Variants in DLGAP2 observed in about 807,000 individuals in gnomAD.
DLGAP2 encodes DLG associated protein 2.
DLGAP2 carries 26 observed loss-of-function variants against 100.3 expected under a neutral mutation model. The observed-to-expected ratio is 0.26, with a 90% CI of 0.19 to 0.36. DLGAP2 has a LOEUF of 0.36. Among genes scored for constraint, DLGAP2 ranks in the 10% least tolerant of loss-of-function variants. The pLI is 1.00. For missense variants in DLGAP2, 1,858 were observed against 1,453.2 expected (o/e 1.28, Z -4.53); for synonymous variants, 886 against 630.1 (o/e 1.41, Z -6.08).
chr8:820,101 T>C (rs2132684406), intron 1 of DLGAP2, among the ~76,000 whole-genome samples: 1 of 152,338 alleles, frequency 6.6e-6, no homozygotes, highest in African/African-American at 2.4e-5. Context: ...GTGGGTAACA[T>C]TTTCAAGTTA....
At chr8:1,091,971 C>T (rs1443926598) in intron 2 of DLGAP2, among the ~76,000 whole-genome samples, 1 of 152,134 alleles carries the variant, frequency 6.6e-6, no homozygotes, top group Non-Finnish European at 1.5e-5. Flanking sequence ...CCACTTCTGC[C>T]CCACGTTTTA....
At chr8:1,153,285 A>G (rs2129051746) in intron 2 of DLGAP2, among the ~76,000 whole-genome samples, 1 of 152,302 alleles carries the variant, frequency 6.6e-6, no homozygotes. Context: ...CTTCGGAAGG[A>G]AAAAAATCAG....
At chr8:977,419 T>C (rs1482849514) in intron 2 of DLGAP2, among the ~76,000 whole-genome samples, 1 of 152,238 alleles carries the variant, frequency 6.6e-6, no homozygotes, top group East Asian at 1.9e-4. Flanking sequence ...CACATGGCAA[T>C]GTGAGGTCAA....
At chr8:1,358,903 T>G (rs1342815223) in intron 3 of DLGAP2, among the ~76,000 whole-genome samples, 1 of 150,690 alleles carries the variant, frequency 6.6e-6, no homozygotes, top group African/African-American at 2.4e-5. Flanking sequence ...GACTCGGGAA[T>G]TCTCGGTGCA....
intron 3 of DLGAP2, among the ~76,000 whole-genome samples, chr8:1,354,337 C>G (rs1801800406): frequency 6.6e-6 from 1 of 152,118 alleles, no homozygotes; most frequent in Non-Finnish European, 1.5e-5. Flanking sequence ...AAAACCCCAT[C>G]TCTTCTAAAA....
chr8:1,277,057 A>G (rs1326151527), intron 3 of DLGAP2, among the ~76,000 whole-genome samples: 1 of 152,178 alleles, frequency 6.6e-6, no homozygotes, highest in Non-Finnish European at 1.5e-5. Flanking sequence ...GCTGTTTCTA[A>G]TCATTTTTCT....
chr8:821,711 A>G (rs1004702548), intron 1 of DLGAP2, among the ~76,000 whole-genome samples: 1 of 152,212 alleles, frequency 6.6e-6, no homozygotes, highest in Non-Finnish European at 1.5e-5. Flanking sequence ...GCTATTTTTC[A>G]TCAAATTATA....
intron 2 of DLGAP2, among the ~76,000 whole-genome samples, chr8:1,010,446 A>G (rs959601546): frequency 6.6e-6 from 1 of 152,228 alleles, no homozygotes; most frequent in Non-Finnish European, 1.5e-5. Flanking sequence ...ACACATACTC[A>G]TATTCTCACA....
Position 1,178,165 on chromosome 8 carries a change from C to T in DLGAP2, c.74-80686C>T, listed in dbSNP as rs73534806. 3.5e-4 allele frequency among the ~76,000 whole-genome samples: 54 copies of T among 152,294 alleles called. 1 individual carries two copies. In the East Asian group the frequency reaches 6.7e-3, roughly 19 times the overall value. The stretch of plus-strand genomic sequence containing the variant: ...GGACCCCCGGAGGACTGCCTGAAGG[C>T]AGGGAAATGTTAAATTCAGGAAGAT... On this transcript the variant is annotated intron_variant, in intron 2 of 14. Coordinates refer to ENST00000637795, the MANE Select transcript of DLGAP2 (RefSeq NM_001346810.2).
In DLGAP2 at chr8:1,669,793, C is replaced by T. The variant is rs754192203; in HGVS notation, c.2202+9C>T. On this transcript the variant is annotated intron_variant, in intron 10 of 14. Coordinates refer to ENST00000637795, the MANE Select transcript of DLGAP2 (RefSeq NM_001346810.2). ...CATACCCAAGGTCAGATGTAAGTAC[C>T]GAAATGTGCTCCAAAGCCGCGTCCG... is the stretch of plus-strand genomic sequence containing the variant. The T allele has an allele frequency of 2.6e-5, 20 of 780,778 alleles. No individual in the cohort carries two copies. The highest frequency in any genetic ancestry group is 5.1e-5 in the African/African-American group (3 of 59,148). The allele number at this position is 780,778 out of a possible 1,614,324, so 48.4% of individuals were successfully genotyped here. A position where few individuals can be genotyped will look rare whatever the true frequency, so the allele number is the denominator to read the frequency against.
intron 8 of DLGAP2, among the ~76,000 whole-genome samples, chr8:1,662,566 C>G (rs895754605): frequency 7.2e-5 from 11 of 152,242 alleles, no homozygotes; most frequent in African/African-American, 2.4e-4. Flanking sequence ...CTCATTATAA[C>G]CAACAACTGG....
intron 2 of DLGAP2, among the ~76,000 whole-genome samples, chr8:1,063,048 C>T (rs770884879): frequency 3.3e-5 from 5 of 152,124 alleles, no homozygotes; most frequent in Non-Finnish European, 5.9e-5. Context: ...TCTATGCAAG[C>T]AATGGAGTGA....
intron 6 of DLGAP2, among the ~76,000 whole-genome samples, chr8:1,582,141 C>CCA (rs57709718): frequency 7.7e-6 from 1 of 130,554 alleles, no homozygotes. Context: ...AGATAAAACC[C>CCA]CACACATGTA....
intron 1 of DLGAP2, among the ~76,000 whole-genome samples, chr8:769,616 A>G (rs1054126417): frequency 3.3e-5 from 5 of 152,180 alleles, no homozygotes; most frequent in African/African-American, 1.2e-4. Context: ...AGTTACAGAC[A>G]TCTGTGGTGA....
chr8:1,009,442 G>T (rs1801213454), intron 2 of DLGAP2, among the ~76,000 whole-genome samples: 1 of 152,206 alleles, frequency 6.6e-6, no homozygotes, highest in Admixed American at 6.5e-5. Flanking sequence ...GTTATTCAGA[G>T]TTAATACCCT....
chr8:1,496,126 A>G (rs7015086), intron 3 of DLGAP2, among the ~76,000 whole-genome samples: 115,084 of 152,134 alleles, frequency 0.76, 43,907 homozygotes, highest in African/African-American at 0.84. Context: ...GTCTACCCTA[A>G]GGCTATATGG....
At chr8:1,458,523 T>C (rs536608968) in intron 3 of DLGAP2, among the ~76,000 whole-genome samples, 1 of 152,356 alleles carries the variant, frequency 6.6e-6, no homozygotes, top group South Asian at 2.1e-4. Context: ...CATTGTTACC[T>C]GGCATCATGA....
At chr8:1,690,280 C>T (rs1166459967) in intron 12 of DLGAP2, among the ~76,000 whole-genome samples, 1 of 150,102 alleles carries the variant, frequency 6.7e-6, no homozygotes, top group East Asian at 2.0e-4. Context: ...CACTTGAATT[C>T]AGGAGGTGGA....
intron 3 of DLGAP2, among the ~76,000 whole-genome samples, chr8:1,276,401 C>G (rs528042963): frequency 1.3e-5 from 2 of 151,972 alleles, no homozygotes; most frequent in Admixed American, 6.6e-5. Flanking sequence ...GGATCTTGGC[C>G]GCACGTTGGG....
Sources: gnomAD v4.1 joint callset for allele counts (sites outside exome capture counted in the v4.1 genomes callset) on GRCh38, gnomAD v4.1.1 for gene constraint, MANE v1.5 for transcripts, NCBI Gene and HGNC (gene_info 2026-07-23, HGNC 2026-07-21) for gene names.